STAG1: variants seen among roughly 807,000 people sequenced by gnomAD.
The protein encoded by STAG1 is STAG1 cohesin complex component.
A neutral mutation model predicts 170.9 loss-of-function variants in STAG1; 26 were observed. The ratio of observed to expected loss-of-function variants is 0.15; its 90% CI spans 0.11 to 0.21. STAG1 has a LOEUF of 0.21. Among genes scored for constraint, STAG1 ranks in the 10% least tolerant of loss-of-function variants. STAG1 has a pLI of 1.00. For missense variants in STAG1, 964 were observed against 1,509.5 expected (o/e 0.64, Z 5.99); for synonymous variants, 514 against 497.7 (o/e 1.03, Z -0.44).
intron 6 of STAG1, among the ~76,000 whole-genome samples, chr3:136,538,227 C>G (rs1321529374): frequency 6.6e-6 from 1 of 151,944 alleles, no homozygotes; most frequent in Non-Finnish European, 1.5e-5. Flanking sequence ...ACATTTAATT[C>G]TATTAATAAA....
intron 21 of STAG1, among the ~76,000 whole-genome samples, chr3:136,410,647 C>G (rs962987494): frequency 6.6e-5 from 10 of 152,062 alleles, no homozygotes; most frequent in African/African-American, 2.4e-4. Flanking sequence ...TAAAATGAAA[C>G]AAATGTAAAG....
intron 20 of STAG1, among the ~76,000 whole-genome samples, chr3:136,420,435 C>T (rs2087918707): frequency 6.6e-6 from 1 of 151,616 alleles, no homozygotes; most frequent in Admixed American, 6.6e-5. Context: ...GGGGCTCAAG[C>T]AATCCACCTC....
At chr3:136,420,128 T>C (rs2087907533) in intron 20 of STAG1, among the ~76,000 whole-genome samples, 1 of 150,170 alleles carries the variant, frequency 6.7e-6, no homozygotes, top group Non-Finnish European at 1.5e-5. Flanking sequence ...ACACCTGTGG[T>C]CCCAGCTACT....
intron 9 of STAG1, among the ~76,000 whole-genome samples, chr3:136,491,385 T>C (rs1396468146): frequency 6.6e-6 from 1 of 152,228 alleles, no homozygotes; most frequent in African/African-American, 2.4e-5. Flanking sequence ...TATCCCTTTA[T>C]TACTGTGATC....
At chr3:136,716,805 G>A (rs1185635704) in intron 1 of STAG1, among the ~76,000 whole-genome samples, 2 of 152,216 alleles carry the variant, frequency 1.3e-5, no homozygotes, top group Non-Finnish European at 2.9e-5. Context: ...GTATACCATG[G>A]TGGTAAAAAG....
intron 3 of STAG1, among the ~76,000 whole-genome samples, chr3:136,619,342 A>G (rs1939739196): frequency 6.7e-6 from 1 of 150,282 alleles, no homozygotes; most frequent in African/African-American, 2.5e-5. Flanking sequence ...TCCTGCCTTC[A>G]CACAACTTAC....
intron 3 of STAG1, among the ~76,000 whole-genome samples, chr3:136,622,388 G>A (rs1939904252): frequency 1.3e-5 from 2 of 152,020 alleles, no homozygotes; most frequent in Middle Eastern, 3.4e-3. Context: ...ATGGAATGAT[G>A]TCTAGAATGA....
chr3:136,704,200 ACC>A (rs927349000), intron 1 of STAG1, among the ~76,000 whole-genome samples: 1 of 151,418 alleles, frequency 6.6e-6, no homozygotes, highest in Admixed American at 6.6e-5. Flanking sequence ...ACAGGAGTGC[ACC>A]ACGACGCCTG....
intron 6 of STAG1, among the ~76,000 whole-genome samples, chr3:136,533,100 T>C (rs1935457938): frequency 6.6e-6 from 1 of 152,082 alleles, no homozygotes; most frequent in African/African-American, 2.4e-5. Flanking sequence ...TAAAAATTGG[T>C]TTCTATATAC....
intron 4 of STAG1, among the ~76,000 whole-genome samples, chr3:136,603,180 G>A (rs898921654): frequency 5.3e-5 from 8 of 151,692 alleles, no homozygotes; most frequent in Middle Eastern, 6.8e-3. Context: ...TAGTAATTCC[G>A]TTTCACAATT....
At chr3:136,733,644 T>C (rs1342655912) in intron 1 of STAG1, among the ~76,000 whole-genome samples, 1 of 152,256 alleles carries the variant, frequency 6.6e-6, no homozygotes, top group Non-Finnish European at 1.5e-5. Context: ...CTTAGCCATC[T>C]GTCATGTGAC....
At chr3:136,683,934 G>A (rs995248293) in intron 1 of STAG1, among the ~76,000 whole-genome samples, 1 of 152,104 alleles carries the variant, frequency 6.6e-6, no homozygotes, top group Non-Finnish European at 1.5e-5. Context: ...ATTTATGTTA[G>A]CACCCCAAAA....
intron 6 of STAG1, among the ~76,000 whole-genome samples, chr3:136,532,300 T>G (rs990056741): frequency 6.6e-6 from 1 of 152,194 alleles, no homozygotes; most frequent in Non-Finnish European, 1.5e-5. Context: ...TCTAACTTCA[T>G]CAGGGATGTT....
chr3:136,473,718 T>C, intron 10 of STAG1, 81 bp from the exon 11 acceptor site: 1 of 1,022,270 alleles, frequency 9.8e-7, no homozygotes. Flanking sequence ...GACTAAAATT[T>C]AGCTTAAACA....
intron 7 of STAG1, among the ~76,000 whole-genome samples, chr3:136,511,112 C>T (rs1295891155): frequency 1.3e-5 from 2 of 152,186 alleles, no homozygotes; most frequent in African/African-American, 2.4e-5. Flanking sequence ...ATTTCCCCTG[C>T]TTGCACTCAC....
chr3:136,588,044 G>A (rs970768320), intron 4 of STAG1, among the ~76,000 whole-genome samples: 2 of 152,076 alleles, frequency 1.3e-5, no homozygotes, highest in African/African-American at 2.4e-5. Flanking sequence ...CAAGTCCAAG[G>A]AAAATTTAGA....
At chr3:136,615,424 CAAAAAAAAAA>C (rs35713077) in intron 3 of STAG1, among the ~76,000 whole-genome samples, 63 of 33,258 alleles carry the variant, frequency 1.9e-3, no homozygotes, top group East Asian at 4.5e-3. Flanking sequence ...AGACTTTGTC[CAAAAAAAAAA>C]AAAAAAAAAA....
At chr3:136,588,016 G>C (rs753981340) in intron 4 of STAG1, among the ~76,000 whole-genome samples, 1 of 152,136 alleles carries the variant, frequency 6.6e-6, no homozygotes, top group South Asian at 2.1e-4. Flanking sequence ...TTAGGTCAAA[G>C]TAAGAGTAAA....
At chr3:136,634,791 G>A (rs1940485479) in intron 1 of STAG1, among the ~76,000 whole-genome samples, 1 of 151,690 alleles carries the variant, frequency 6.6e-6, no homozygotes, top group South Asian at 2.1e-4. Context: ...GTTGGAAAAG[G>A]TAAACAAAAT....
Sources: gnomAD v4.1 joint callset for allele counts (sites outside exome capture counted in the v4.1 genomes callset) on GRCh38, gnomAD v4.1.1 for gene constraint, MANE v1.5 for transcripts, NCBI Gene and HGNC (gene_info 2026-07-23, HGNC 2026-07-21) for gene names.